The following CLSTN2 variants were observed in gnomAD, a reference collection of about 807,000 sequenced individuals.
The protein encoded by CLSTN2 is calsyntenin-2.
Under a neutral mutation model 101.2 loss-of-function variants are expected in CLSTN2, and 48 were observed. The ratio of observed to expected loss-of-function variants is 0.47; its 90% CI spans 0.38 to 0.60. CLSTN2 has a LOEUF of 0.60. CLSTN2 is among the 20% of genes least tolerant of loss of function. CLSTN2 has a pLI of 0.00. For missense variants in CLSTN2, 1,160 were observed against 1,238.2 expected (o/e 0.94, Z 0.95); for synonymous variants, 481 against 463.6 (o/e 1.04, Z -0.48).
intron 1 of CLSTN2, among the ~76,000 whole-genome samples, chr3:140,023,660 C>T (rs370087842): frequency 2.0e-5 from 3 of 152,286 alleles, no homozygotes; most frequent in Middle Eastern, 3.4e-3. Flanking sequence ...CCTCTACTGC[C>T]CCAGGAGGTG....
chr3:140,322,695 G>A (rs574323256), intron 2 of CLSTN2, among the ~76,000 whole-genome samples: 1 of 152,322 alleles, frequency 6.6e-6, no homozygotes, highest in East Asian at 1.9e-4. Flanking sequence ...TTGTATTTTA[G>A]ACTCACACAA....
At chr3:140,054,003 T>A in intron 1 of CLSTN2, among the ~76,000 whole-genome samples, 1 of 152,172 alleles carries the variant, frequency 6.6e-6, no homozygotes, top group Non-Finnish European at 1.5e-5. Context: ...TCACAGCTGG[T>A]CCTCGGGCAG....
chr3:140,259,437 G>A (rs1008857516), intron 2 of CLSTN2, among the ~76,000 whole-genome samples: 11 of 152,014 alleles, frequency 7.2e-5, no homozygotes, highest in African/African-American at 2.7e-4. Flanking sequence ...TTGCGCCATT[G>A]CACTCCAACC....
At chr3:140,540,521 G>C (rs1435870597) in intron 9 of CLSTN2, among the ~76,000 whole-genome samples, 2 of 152,252 alleles carry the variant, frequency 1.3e-5, no homozygotes, top group African/African-American at 2.4e-5. Flanking sequence ...CGAGATTTCA[G>C]ATGGTCTCGT....
At chr3:140,095,881 C>A (rs963001690) in intron 1 of CLSTN2, among the ~76,000 whole-genome samples, 2 of 152,250 alleles carry the variant, frequency 1.3e-5, no homozygotes, top group Middle Eastern at 3.4e-3. Flanking sequence ...AATTGAGTTA[C>A]AAGCTGGCAC....
chr3:140,566,298 C>T lies in CLSTN2; in HGVS notation c.*45C>T, dbSNP rs993294621. ...TGGCCCACATGTCCCTTTTGTAAACCCTGACCCAGTGTATGCCCATGTCTA... is the reference window on the plus strand; with the variant it reads ...TGGCCCACATGTCCCTTTTGTAAACTCTGACCCAGTGTATGCCCATGTCTA... On this transcript the variant is annotated 3_prime_UTR_variant, in exon 17 of 17. Coordinates refer to ENST00000458420, the MANE Select transcript of CLSTN2 (RefSeq NM_022131.3). 20 of 1,529,336 alleles carry T rather than the reference C, an allele frequency of 1.3e-5. No individual in the cohort carries two copies. The highest frequency in any genetic ancestry group is 1.7e-5 in the Non-Finnish European group (19 of 1,128,332). The allele number at this position is 1,529,336 out of a possible 1,614,324, so 94.7% of individuals were successfully genotyped here. A position where few individuals can be genotyped will look rare whatever the true frequency, so the allele number is the denominator to read the frequency against.
At chr3:140,457,070 C>CA (rs1164503545) in intron 6 of CLSTN2, among the ~76,000 whole-genome samples, 1 of 152,034 alleles carries the variant, frequency 6.6e-6, no homozygotes, top group African/African-American at 2.4e-5. Flanking sequence ...TGTCCTTAGC[C>CA]AAAAAAAGGA....
intron 1 of CLSTN2, among the ~76,000 whole-genome samples, chr3:139,992,465 G>T (rs185932440): frequency 3.7e-4 from 56 of 152,268 alleles, no homozygotes; most frequent in Non-Finnish European, 5.4e-4. Context: ...AAGCTCAGAA[G>T]AGAGGGCTCA....
intron 1 of CLSTN2, among the ~76,000 whole-genome samples, chr3:139,937,266 A>C (rs2107804993): frequency 6.6e-6 from 1 of 152,298 alleles, no homozygotes. Context: ...GTAATAATGC[A>C]CGGCTGAGTT....
chr3:139,965,549 A>G (rs1935581141), intron 1 of CLSTN2, among the ~76,000 whole-genome samples: 1 of 152,186 alleles, frequency 6.6e-6, no homozygotes, highest in African/African-American at 2.4e-5. Context: ...GCAATGCTCT[A>G]TCCAGATTCG....
intron 2 of CLSTN2, among the ~76,000 whole-genome samples, chr3:140,297,739 G>A (rs1469529410): frequency 6.6e-6 from 1 of 152,176 alleles, no homozygotes; most frequent in African/African-American, 2.4e-5. Context: ...AACAAATTAG[G>A]AAACCAAGGC....
intron 2 of CLSTN2, among the ~76,000 whole-genome samples, chr3:140,181,528 G>A (rs558826975): frequency 2.0e-5 from 3 of 152,218 alleles, no homozygotes; most frequent in Admixed American, 6.5e-5. Context: ...GTAGTGTAAT[G>A]GTGTGGGACA....
chr3:139,976,775 G>A (rs1298482047), intron 1 of CLSTN2, among the ~76,000 whole-genome samples: 2 of 152,208 alleles, frequency 1.3e-5, no homozygotes, highest in South Asian at 2.1e-4. Context: ...TGTGAAACAC[G>A]CTGAGGGGTT....
chr3:140,056,837 G>A (rs1200432988), intron 1 of CLSTN2, among the ~76,000 whole-genome samples: 2 of 152,194 alleles, frequency 1.3e-5, no homozygotes, highest in Non-Finnish European at 2.9e-5. Context: ...CTTGAATAGT[G>A]CCTTGAAAAT....
intron 2 of CLSTN2, among the ~76,000 whole-genome samples, chr3:140,190,410 G>T (rs1158312884): frequency 3.9e-5 from 4 of 103,850 alleles, no homozygotes; most frequent in Middle Eastern, 9.8e-3. Context: ...CTTACCAAAA[G>T]ATTTTAGGAT....
chr3:140,295,326 G>A (rs1007297809), intron 2 of CLSTN2, among the ~76,000 whole-genome samples: 3 of 152,048 alleles, frequency 2.0e-5, no homozygotes, highest in African/African-American at 4.8e-5. Flanking sequence ...CTTGTATAGT[G>A]GGTATTTCAG....
chr3:140,067,208 A>T (rs1302303798), intron 1 of CLSTN2, among the ~76,000 whole-genome samples: 1 of 152,186 alleles, frequency 6.6e-6, no homozygotes, highest in Non-Finnish European at 1.5e-5. Flanking sequence ...GAAGATCATG[A>T]GTGTAGAGCT....
intron 2 of CLSTN2, among the ~76,000 whole-genome samples, chr3:140,346,849 C>A (rs886562329): frequency 6.6e-6 from 1 of 152,140 alleles, no homozygotes; most frequent in Admixed American, 6.5e-5. Flanking sequence ...GCTCCAGAGT[C>A]TGGAATAATG....
chr3:140,556,992 C>G (rs1247540254), intron 11 of CLSTN2: 1 of 247,174 alleles, frequency 4.0e-6, no homozygotes, highest in Non-Finnish European at 7.8e-6. Flanking sequence ...TTTAAGGGCG[C>G]AGTGCGTGGT....
Sources: gnomAD v4.1 joint callset for allele counts (sites outside exome capture counted in the v4.1 genomes callset) on GRCh38, gnomAD v4.1.1 for gene constraint, MANE v1.5 for transcripts, NCBI Gene and HGNC (gene_info 2026-07-23, HGNC 2026-07-21) for gene names.